The following DENND1B variants were observed in gnomAD, a reference collection of about 807,000 sequenced individuals.
DENND1B encodes DENN domain containing 1B.
DENND1B carries 59 observed loss-of-function variants against 90.1 expected under a neutral mutation model. That is an observed-to-expected ratio of 0.65 (90% CI 0.53 to 0.81). DENND1B has a LOEUF of 0.81. DENND1B is among the 40% of genes least tolerant of loss of function. The probability of loss-of-function intolerance (pLI) is 0.00; values close to 1 mark genes in which losing one functional copy is unlikely to be tolerated. For synonymous variants in DENND1B, 337 were observed against 324.6 expected (o/e 1.04, Z -0.41); for missense variants, 862 against 912.6 (o/e 0.94, Z 0.71).
chr1:197,651,642 CTTCTTTTTTTTTTTTTTTTTTTTT>C (rs1037894005), intron 7 of DENND1B, among the ~76,000 whole-genome samples: 21 of 127,024 alleles, frequency 1.7e-4, no homozygotes, highest in African/African-American at 5.0e-4. Context: ...AAAATCAATG[CTTCTTTTTTTTTTTTTTTTTTTTT>C]TTTTTTTGAG....
intron 5 of DENND1B, among the ~76,000 whole-genome samples, chr1:197,664,030 G>C (rs1775449): frequency 0.071 from 9,597 of 134,610 alleles, 1,001 homozygotes; most frequent in African/African-American, 0.23. Flanking sequence ...CACACACACA[G>C]AGAGAGAGAT....
At chr1:197,723,212 C>T (rs1661338330) in intron 2 of DENND1B, among the ~76,000 whole-genome samples, 1 of 152,220 alleles carries the variant, frequency 6.6e-6, no homozygotes, top group South Asian at 2.1e-4. Context: ...TACATCCATT[C>T]CTTTTAAACA....
chr1:197,641,686 T>A (rs535612179), intron 10 of DENND1B, among the ~76,000 whole-genome samples: 34 of 152,226 alleles, frequency 2.2e-4, no homozygotes, highest in Admixed American at 1.2e-3. Flanking sequence ...AACCCAAAAA[T>A]TAGAATCAAA....
chr1:197,776,930 A>G (rs1347676545), upstream of DENND1B, among the ~76,000 whole-genome samples: 4 of 152,344 alleles, frequency 2.6e-5, no homozygotes, highest in African/African-American at 9.6e-5. Flanking sequence ...TTACTTGTAC[A>G]TCACATGAGC....
Position 197,775,341 on chromosome 1 carries a change from A to AC in DENND1B, c.-187dup. On this transcript the variant is annotated 5_prime_UTR_variant, in exon 1 of 23. Coordinates refer to ENST00000620048, the MANE Select transcript of DENND1B (RefSeq NM_001195215.2). ...CGCCCCCGGCACTTCCCCGCCTCCCACCCCACCCACCAGAGCCTTTCTGTG... is the reference window on the plus strand; with the variant it reads ...CGCCCCCGGCACTTCCCCGCCTCCCACCCCCACCCACCAGAGCCTTTCTGTG... 1 of 360,260 alleles carries AC rather than the reference A, an allele frequency of 2.8e-6. No homozygotes were observed. The allele number at this position is 360,260 out of a possible 1,614,324, so 22.3% of individuals were successfully genotyped here.
intron 2 of DENND1B, among the ~76,000 whole-genome samples, chr1:197,727,631 T>G (rs1159195129): frequency 6.6e-6 from 1 of 152,030 alleles, no homozygotes; most frequent in Non-Finnish European, 1.5e-5. Flanking sequence ...AAAACAGTGA[T>G]CTGATTTTGA....
intron 2 of DENND1B, among the ~76,000 whole-genome samples, chr1:197,725,645 A>AT (rs1367171041): frequency 1.3e-5 from 2 of 152,020 alleles, no homozygotes; most frequent in African/African-American, 4.8e-5. Flanking sequence ...TGAAAAAAAA[A>AT]GTTATATTTG....
At chr1:197,631,462 A>C (rs1028293279) in intron 10 of DENND1B, among the ~76,000 whole-genome samples, 1 of 152,072 alleles carries the variant, frequency 6.6e-6, no homozygotes, top group African/African-American at 2.4e-5. Context: ...TATTATTAAT[A>C]TGAACACATT....
intron 4 of DENND1B, 139 bp from the exon 5 acceptor site, chr1:197,672,295 T>C: frequency 1.9e-6 from 2 of 1,040,136 alleles, no homozygotes; most frequent in South Asian, 1.8e-5. Context: ...AACTATGTTC[T>C]AAAACTAGAG....
At chr1:197,743,130 T>G (rs1663370913) in intron 2 of DENND1B, among the ~76,000 whole-genome samples, 1 of 152,158 alleles carries the variant, frequency 6.6e-6, no homozygotes, top group South Asian at 2.1e-4. Context: ...TTTTAAGTTA[T>G]TAACATGATA....
At chr1:197,640,201 G>A (rs7516293) in intron 10 of DENND1B, among the ~76,000 whole-genome samples, 3,693 of 152,052 alleles carry the variant, frequency 0.024, 151 homozygotes, top group African/African-American at 0.084. Context: ...GGCCGGGTGC[G>A]GTGGCTCACG....
chr1:197,572,980 G>T (rs1221170279), intron 15 of DENND1B, among the ~76,000 whole-genome samples: 1 of 152,116 alleles, frequency 6.6e-6, no homozygotes, highest in Non-Finnish European at 1.5e-5. Flanking sequence ...GGGATCGGTG[G>T]TGATATCCCC....
intron 10 of DENND1B, among the ~76,000 whole-genome samples, chr1:197,629,637 C>G (rs978555054): frequency 6.6e-6 from 1 of 151,688 alleles, no homozygotes; most frequent in Non-Finnish European, 1.5e-5. Context: ...TGTAACTAAG[C>G]TGCACATTGT....
At chr1:197,637,332 C>T (rs1436580864) in intron 10 of DENND1B, among the ~76,000 whole-genome samples, 1 of 152,100 alleles carries the variant, frequency 6.6e-6, no homozygotes, top group Admixed American at 6.6e-5. Flanking sequence ...AGGGGAATGA[C>T]AAGTTAATAA....
At chr1:197,646,676 A>G (rs1484341609) in intron 8 of DENND1B, among the ~76,000 whole-genome samples, 2 of 152,042 alleles carry the variant, frequency 1.3e-5, no homozygotes, top group African/African-American at 4.8e-5. Context: ...GTCATAATCT[A>G]TAATTTTCCA....
intron 2 of DENND1B, among the ~76,000 whole-genome samples, chr1:197,760,090 G>C (rs1654837159): frequency 6.6e-6 from 1 of 152,122 alleles, no homozygotes; most frequent in South Asian, 2.1e-4. Flanking sequence ...AAAAGGTAAA[G>C]TGTAAGCCAT....
At chr1:197,707,047 G>T (rs1197479693) in intron 3 of DENND1B, among the ~76,000 whole-genome samples, 1 of 151,984 alleles carries the variant, frequency 6.6e-6, no homozygotes, top group Non-Finnish European at 1.5e-5. Context: ...AAAAAATATG[G>T]TATACATACA....
intron 3 of DENND1B, among the ~76,000 whole-genome samples, chr1:197,713,717 T>C (rs1424020794): frequency 5.1e-5 from 4 of 78,344 alleles, no homozygotes; most frequent in Non-Finnish European, 9.9e-5. Flanking sequence ...ACATGTACTC[T>C]AAAACTTAGA....
chr1:197,544,953 A>G (rs1201218200), intron 18 of DENND1B, among the ~76,000 whole-genome samples: 1 of 55,866 alleles, frequency 1.8e-5, no homozygotes, highest in Admixed American at 2.1e-4. Context: ...GAGAAGAGAG[A>G]AGGGAGAAGG....
Sources: gnomAD v4.1 joint callset for allele counts (sites outside exome capture counted in the v4.1 genomes callset) on GRCh38, gnomAD v4.1.1 for gene constraint, MANE v1.5 for transcripts, NCBI Gene and HGNC (gene_info 2026-07-23, HGNC 2026-07-21) for gene names.